Variants in ATF7 observed in about 807,000 individuals in gnomAD.
ATF7 encodes cyclic AMP-dependent transcription factor ATF-7.
Under a neutral mutation model 50.4 loss-of-function variants are expected in ATF7, and 10 were observed. That is an observed-to-expected ratio of 0.20 (90% confidence interval 0.12 to 0.34). The LOEUF is 0.34. ATF7 is among the 10% of genes least tolerant of loss of function. The probability of loss-of-function intolerance (pLI) is 1.00; values close to 1 mark genes in which losing one functional copy is unlikely to be tolerated. For synonymous variants in ATF7, 201 were observed against 226.4 expected, an observed-to-expected ratio of 0.89 and a Z score of 1.01; for missense variants, 465 against 613.9, an observed-to-expected ratio of 0.76 and a Z score of 2.56.
At chr12:53,533,306 C>A in intron 6 of ATF7, 47 bp from the exon 7 acceptor site, 1 of 1,442,940 alleles carries the variant, frequency 6.9e-7, no homozygotes, top group Non-Finnish European at 9.7e-7. Context: ...ACCTTTTGTC[C>A]ATGGATCTTC....
At position 53,515,153 on chromosome 12, in the gene ATF7, TCTC is replaced by T. The variant is rs1408250146; in HGVS notation, c.*1981_*1983del. 1 of 152,200 alleles carries T rather than the reference TCTC, an allele frequency of 6.6e-6. No individual in the cohort carries two copies. The highest frequency in any genetic ancestry group is 1.5e-5 in the Non-Finnish European group (1 of 68,054). The allele number at this position is 152,200 out of a possible 1,614,324, so 9.4% of individuals were successfully genotyped here. A position where few individuals can be genotyped will look rare whatever the true frequency, so the allele number is the denominator to read the frequency against. ...TAGAGGATGAGAAAACCGTGTTTTC[TCTC>T]CTTTGTCTTTAGGGGTGTGGCCTGT... On this transcript the variant is annotated 3_prime_UTR_variant, in exon 12 of 12. Transcript: ENST00000420353.
At chr12:53,601,250 A>C (rs756471874) in intron 1 of ATF7, among the ~76,000 whole-genome samples, 1 of 152,174 alleles carries the variant, frequency 6.6e-6, no homozygotes, top group Non-Finnish European at 1.5e-5. Flanking sequence ...ATAGTCAAGG[A>C]ATTTCAAACC....
At chr12:53,613,826 C>T (rs1203576347) in intron 1 of ATF7, among the ~76,000 whole-genome samples, 1 of 146,068 alleles carries the variant, frequency 6.8e-6, no homozygotes, top group South Asian at 2.2e-4. Flanking sequence ...TAGGCCTGGC[C>T]CTCAATAATT....
At chr12:53,600,109 G>A (rs1043956675) in intron 2 of ATF7, among the ~76,000 whole-genome samples, 1 of 152,154 alleles carries the variant, frequency 6.6e-6, no homozygotes, top group Admixed American at 6.5e-5. Context: ...AATGCTGTGA[G>A]ATCTCAAGTT....
chr12:53,539,130 C>T (rs369282611), intron 4 of ATF7, among the ~76,000 whole-genome samples: 2 of 152,190 alleles, frequency 1.3e-5, no homozygotes, highest in East Asian at 1.9e-4. Context: ...CCTGTACAGG[C>T]AGGAGGATAC....
intron 9 of ATF7, among the ~76,000 whole-genome samples, chr12:53,529,912 T>G (rs10747674): frequency 6.6e-6 from 1 of 150,884 alleles, no homozygotes; most frequent in Admixed American, 6.6e-5. Flanking sequence ...GGCTAATCTT[T>G]GTATTTTTTT....
chr12:53,542,503 T>C (rs1186447635), intron 4 of ATF7, among the ~76,000 whole-genome samples: 1 of 152,034 alleles, frequency 6.6e-6, no homozygotes, highest in East Asian at 1.9e-4. Context: ...CATAGCTCAC[T>C]GCAGCCTTGA....
chr12:53,529,286 G>A (rs1227209417), intron 9 of ATF7, among the ~76,000 whole-genome samples: 2 of 151,848 alleles, frequency 1.3e-5, no homozygotes, highest in African/African-American at 2.4e-5. Flanking sequence ...CGCAACCTCC[G>A]CCTCCCGGGT....
chr12:53,535,619 A>G (rs1939174183), intron 5 of ATF7, among the ~76,000 whole-genome samples: 1 of 152,176 alleles, frequency 6.6e-6, no homozygotes, highest in South Asian at 2.1e-4. Context: ...CAATTTATAT[A>G]CTTTTCTGTA....
intron 9 of ATF7, among the ~76,000 whole-genome samples, chr12:53,528,156 A>T (rs1041796847): frequency 2.0e-5 from 3 of 152,240 alleles, no homozygotes; most frequent in South Asian, 4.2e-4. Flanking sequence ...ATAATTTTTT[A>T]AAATTCAGAC....
rs1592762016 is a variant in ATF7 at position 53,516,195 on chromosome 12, T to C, written c.*942A>G. ...TAAAGGAATCGATTAATCCCTAACTTGATGGAACAAGCTTTGAAATACTTT... is the reference window on the plus strand; with the variant it reads ...TAAAGGAATCGATTAATCCCTAACTCGATGGAACAAGCTTTGAAATACTTT... On this transcript the variant is annotated 3_prime_UTR_variant, in exon 12 of 12. Transcript: ENST00000420353. 2 of 152,188 alleles carry C rather than the reference T, an allele frequency of 1.3e-5. No homozygotes were observed. Among genetic ancestry groups the C allele is most frequent in the East Asian group, 3.8e-4 (2 of 5,198 alleles). The allele number at this position is 152,188 out of a possible 1,614,324, so 9.4% of individuals were successfully genotyped here.
intron 11 of ATF7, among the ~76,000 whole-genome samples, chr12:53,521,257 G>A (rs1242953678): frequency 6.6e-6 from 1 of 152,192 alleles, no homozygotes; most frequent in African/African-American, 2.4e-5. Context: ...CTCCCAAAGT[G>A]CTGGGATTAC....
chr12:53,513,223 C>A lies in ATF7; in HGVS notation c.*3914G>T, dbSNP rs570646933. ...TTTCTCATTCTGGGGTAGGACTTTA[C>A]CCCAAAGAGAGACAACACAGCTGAT... On this transcript the variant is annotated 3_prime_UTR_variant, in exon 12 of 12. Transcript: ENST00000420353. 1.3e-5 allele frequency: 2 copies of A among 152,312 alleles called. No individual in the cohort carries two copies. The highest frequency in any genetic ancestry group is 4.8e-5 in the African/African-American group (2 of 41,556). The allele number at this position is 152,312 out of a possible 1,614,324, so 9.4% of individuals were successfully genotyped here. A position where few individuals can be genotyped will look rare whatever the true frequency, so the allele number is the denominator to read the frequency against.
intron 2 of ATF7, among the ~76,000 whole-genome samples, chr12:53,594,874 C>T (rs570818785): frequency 1.3e-4 from 19 of 144,850 alleles, no homozygotes; most frequent in African/African-American, 5.0e-4. Context: ...GGTGACAGAG[C>T]GAGACCCCAT....
chr12:53,608,716 G>GCAA (rs1475995298), intron 1 of ATF7, among the ~76,000 whole-genome samples: 1 of 152,084 alleles, frequency 6.6e-6, no homozygotes, highest in South Asian at 2.1e-4. Context: ...AAAATTATAT[G>GCAA]CAAACAGCTC....
At chr12:53,581,993 C>T (rs1443892901) in intron 2 of ATF7, among the ~76,000 whole-genome samples, 1 of 151,658 alleles carries the variant, frequency 6.6e-6, no homozygotes, top group Non-Finnish European at 1.5e-5. Flanking sequence ...TATGGTGGTG[C>T]TCAGGAGGCT....
intron 2 of ATF7, among the ~76,000 whole-genome samples, chr12:53,580,884 G>A (rs1295037004): frequency 2.6e-5 from 4 of 151,878 alleles, no homozygotes; most frequent in Admixed American, 6.6e-5. Flanking sequence ...GGCCAAGGTG[G>A]GTGGATCACT....
chr12:53,527,424 A>C lies in ATF7; in HGVS notation c.928-2663T>G, dbSNP rs374654909. ...TTGAGCCCAGAAGGTTGAGGCTGCA[A>C]GTGAGCCATGACTGTCCCATTGCAC... On this transcript the variant is annotated intron_variant, in intron 9 of 11. Transcript: ENST00000420353. Among the ~76,000 whole-genome samples the C allele has an allele frequency of 2.2e-4, 33 of 151,998 alleles. 1 individual carries two copies. The highest frequency in any genetic ancestry group is 7.7e-4 in the African/African-American group (32 of 41,430).
In ATF7 at chr12:53,609,821, C is replaced by CTTTTTTTTTTTTTTT. The variant is rs757421100; in HGVS notation, c.-21-8801_-21-8800insAAAAAAAAAAAAAAA. On this transcript the variant is annotated intron_variant, in intron 1 of 11. Transcript: ENST00000420353. ...TAGCCTTATTGTTTTAAATGTTATG[C>CTTTTTTTTTTTTTTT]TTTTTTTTTTTTTTAGACAGGGTCT... 2.6e-4 allele frequency among the ~76,000 whole-genome samples: 30 copies of CTTTTTTTTTTTTTTT among 115,922 alleles called. 1 individual carries two copies. The highest frequency in any genetic ancestry group is 6.1e-4 in the African/African-American group (18 of 29,690). The allele number at this position is 115,922 out of a possible 152,430, so 76.0% of individuals were successfully genotyped here.
Sources: gnomAD v4.1 joint callset for allele counts (sites outside exome capture counted in the v4.1 genomes callset) on GRCh38, gnomAD v4.1.1 for gene constraint, MANE v1.5 for transcripts, NCBI Gene and HGNC (gene_info 2026-07-23, HGNC 2026-07-21) for gene names.